The following CNBD1 variants were observed in gnomAD, a reference collection of about 807,000 sequenced individuals.
The protein encoded by CNBD1 is cyclic nucleotide binding domain containing 1.
CNBD1 carries 71 observed loss-of-function variants against 54.4 expected under a neutral mutation model. The ratio of observed to expected loss-of-function variants is 1.30; its 90% CI spans 1.08 to 1.59. The LOEUF (loss-of-function observed/expected upper bound fraction) is 1.59, where lower values mean the gene tolerates loss of function less well. Ranked by LOEUF, CNBD1 falls within the 40% of genes most tolerant of loss-of-function variation. The pLI, the probability that CNBD1 is intolerant of heterozygous loss-of-function variation, is 0.00. For missense variants in CNBD1, 659 were observed against 518.0 expected (o/e 1.27, Z -2.64); for synonymous variants, 182 against 170.7 (o/e 1.07, Z -0.51).
rs555103900 is a variant in CNBD1, at chr8:86,886,818, A to G, written c.89-724A>G. 2.4e-4 allele frequency among the ~76,000 whole-genome samples: 36 copies of G among 152,282 alleles called. 1 individual carries two copies. Among genetic ancestry groups the G allele is most frequent in the African/African-American group, 8.2e-4 (34 of 41,574 alleles). On this transcript the variant is annotated intron_variant, in intron 1 of 10. Transcript: ENST00000518476. ...TATTATTTTTTTTTACAACAGTTCT[A>G]ATAGCACTCATTCTTCTGCAGTAAG...
chr8:86,880,231 A>AATG lies in CNBD1; in HGVS notation c.89-7310_89-7309insTGA, dbSNP rs1344472013. Among the ~76,000 whole-genome samples, 391 of 75,970 alleles carry AATG rather than the reference A, an allele frequency of 5.1e-3. 4 individuals carry two copies. Among genetic ancestry groups the AATG allele is most frequent in the African/African-American group, 0.025 (370 of 14,792 alleles). 49.8% of individuals were successfully genotyped at this position (75,970 alleles called of 152,430 possible). A position where few individuals can be genotyped will look rare whatever the true frequency, so the allele number is the denominator to read the frequency against. ...CAGCCCTACTTGGTGACTTCTGATTAACGATCCTTATTGTCATTGGGATTA... is the reference window on the plus strand; with the variant it reads ...CAGCCCTACTTGGTGACTTCTGATTAATGACGATCCTTATTGTCATTGGGATTA... On this transcript the variant is annotated intron_variant, in intron 1 of 10. Coordinates refer to ENST00000518476, the MANE Select transcript of CNBD1 (RefSeq NM_173538.3).
At chr8:87,206,234 T>C (rs1287473754) in intron 5 of CNBD1, 96 bp downstream of exon 5, 14 of 991,550 alleles carry the variant, frequency 1.4e-5, no homozygotes, top group Non-Finnish European at 1.9e-5. Context: ...CACTTAACAA[T>C]TTCAGTTGAC....
intron 4 of CNBD1, among the ~76,000 whole-genome samples, chr8:87,035,525 C>T (rs7012736): frequency 0.03 from 4,573 of 152,162 alleles, 238 homozygotes; most frequent in African/African-American, 0.1. Context: ...AAATGTAAAA[C>T]GGTAGTACAA....
intron 4 of CNBD1, among the ~76,000 whole-genome samples, chr8:87,040,638 A>T (rs1019250252): frequency 4.0e-5 from 6 of 151,542 alleles, no homozygotes; most frequent in Non-Finnish European, 7.4e-5. Context: ...GTTAGCCAGG[A>T]TGGTCTCCAT....
At chr8:86,996,768 G>C (rs1808879626) in intron 4 of CNBD1, among the ~76,000 whole-genome samples, 1 of 152,202 alleles carries the variant, frequency 6.6e-6, no homozygotes, top group Non-Finnish European at 1.5e-5. Context: ...CATTTGGGCT[G>C]CTATAACAAA....
intron 7 of CNBD1, among the ~76,000 whole-genome samples, chr8:87,286,323 G>T (rs769891787): frequency 1.2e-4 from 18 of 152,054 alleles, no homozygotes; most frequent in Non-Finnish European, 2.5e-4. Context: ...ATTATGAAAG[G>T]TGAGCAAATA....
chr8:87,017,798 A>C (rs955003165), intron 4 of CNBD1, among the ~76,000 whole-genome samples: 4 of 152,162 alleles, frequency 2.6e-5, no homozygotes, highest in Non-Finnish European at 4.4e-5. Flanking sequence ...TCCCTTTCTA[A>C]GTCCTCCAGA....
chr8:87,345,957 GA>G (rs35467454), intron 8 of CNBD1, among the ~76,000 whole-genome samples: 40,913 of 152,056 alleles, frequency 0.27, 6,445 homozygotes, highest in Middle Eastern at 0.41. Context: ...ATAGTTCTTT[GA>G]AATGGAAATA....
At chr8:87,179,954 G>T (rs1813278439) in intron 4 of CNBD1, among the ~76,000 whole-genome samples, 1 of 152,170 alleles carries the variant, frequency 6.6e-6, no homozygotes, top group Non-Finnish European at 1.5e-5. Context: ...GGCTAATTTG[G>T]AAGCTTGCCA....
At chr8:87,413,724 C>T (rs1227850728) in intron 2 of CNBD1, among the ~76,000 whole-genome samples, 1 of 146,844 alleles carries the variant, frequency 6.8e-6, no homozygotes, top group Non-Finnish European at 1.5e-5. Context: ...TATGAACAGA[C>T]ACTTCTCAAA....
intron 4 of CNBD1, among the ~76,000 whole-genome samples, chr8:87,143,128 A>G (rs983826948): frequency 8.5e-5 from 13 of 152,158 alleles, no homozygotes; most frequent in African/African-American, 3.1e-4. Flanking sequence ...TCCTAGCTCC[A>G]CTAGAAACAG....
At chr8:87,220,593 G>T (rs1406479221) in intron 5 of CNBD1, among the ~76,000 whole-genome samples, 1 of 148,058 alleles carries the variant, frequency 6.8e-6, no homozygotes, top group Non-Finnish European at 1.5e-5. Flanking sequence ...CAAATTCATA[G>T]GTTTTTAGAC....
At chr8:86,995,088 T>C (rs1808839241) in intron 4 of CNBD1, among the ~76,000 whole-genome samples, 2 of 152,114 alleles carry the variant, frequency 1.3e-5, no homozygotes, top group Admixed American at 1.3e-4. Flanking sequence ...GAGAGGAGGC[T>C]TATAAAGCTT....
chr8:86,975,424 T>G (rs1268534174), intron 4 of CNBD1, among the ~76,000 whole-genome samples: 1 of 152,046 alleles, frequency 6.6e-6, no homozygotes, highest in Non-Finnish European at 1.5e-5. Flanking sequence ...ACCATTCTAC[T>G]GTCTACTTAT....
intron 10 of CNBD1, among the ~76,000 whole-genome samples, chr8:87,379,531 C>A (rs755498128): frequency 6.6e-6 from 1 of 151,938 alleles, no homozygotes; most frequent in Non-Finnish European, 1.5e-5. Flanking sequence ...AACAAACTAT[C>A]TCTTGTTTGT....
chr8:87,277,085 T>TAC (rs1491028992), intron 6 of CNBD1, among the ~76,000 whole-genome samples: 1 of 148,328 alleles, frequency 6.7e-6, no homozygotes, highest in Non-Finnish European at 1.5e-5. Flanking sequence ...TATATATATA[T>TAC]ACACATATTC....
intron 6 of CNBD1, among the ~76,000 whole-genome samples, chr8:87,275,969 A>G (rs554214577): frequency 4.6e-5 from 7 of 152,122 alleles, no homozygotes; most frequent in Non-Finnish European, 1.5e-5. Context: ...CCCATTCACA[A>G]TTGCTTCAAA....
At chr8:87,335,569 CCAT>C in intron 8 of CNBD1, among the ~76,000 whole-genome samples, 1 of 152,104 alleles carries the variant, frequency 6.6e-6, no homozygotes, top group East Asian at 1.9e-4. Flanking sequence ...AAATTTTCCT[CCAT>C]CCCTTTATTT....
At chr8:86,988,066 T>C (rs968990587) in intron 4 of CNBD1, among the ~76,000 whole-genome samples, 16 of 152,136 alleles carry the variant, frequency 1.1e-4, no homozygotes, top group African/African-American at 3.9e-4. Context: ...TCAGGAGGAT[T>C]GGTACCATTT....
Sources: gnomAD v4.1 joint callset for allele counts (sites outside exome capture counted in the v4.1 genomes callset) on GRCh38, gnomAD v4.1.1 for gene constraint, MANE v1.5 for transcripts, NCBI Gene and HGNC (gene_info 2026-07-23, HGNC 2026-07-21) for gene names.